The following EML1 variants were observed in gnomAD, a reference collection of about 807,000 sequenced individuals.
EML1 encodes the protein EMAP like 1, also known as echinoderm microtubule-associated protein-like 1.
A neutral mutation model predicts 110.4 loss-of-function variants in EML1; 27 were observed. That is an observed-to-expected ratio of 0.24 (90% CI 0.18 to 0.34). The LOEUF is 0.34. Ranked by LOEUF, EML1 falls within the 10% of genes least tolerant of loss-of-function variation. The pLI is 1.00. For missense variants in EML1, 741 were observed against 1,030.9 expected (o/e 0.72, Z 3.85); for synonymous variants, 344 against 385.8 (o/e 0.89, Z 1.27).
intron 1 of EML1, among the ~76,000 whole-genome samples, chr14:99,747,331 C>T (rs1343626371): frequency 2.0e-5 from 3 of 152,132 alleles, no homozygotes; most frequent in Admixed American, 2.0e-4. Flanking sequence ...AAGGGACCAG[C>T]CTCTGGCCCA....
chr14:99,868,052 T>TGA (rs2059132050), intron 3 of EML1, among the ~76,000 whole-genome samples: 4 of 152,208 alleles, frequency 2.6e-5, no homozygotes, highest in Non-Finnish European at 5.9e-5. Flanking sequence ...TGTCAAATGC[T>TGA]TTTTCTGCAT....
chr14:99,890,394 G>A (rs1441811154), intron 4 of EML1, among the ~76,000 whole-genome samples: 1 of 152,216 alleles, frequency 6.6e-6, no homozygotes, highest in Non-Finnish European at 1.5e-5. Context: ...TGGAGACGGT[G>A]CCATCTCCCC....
rs926423357 is a variant in EML1, at chr14:99,827,890, A to G, written c.68-22963A>G. ...GGCATGGGTCCCGTGAGCACCCAGC[A>G]GGGTGTCTGGGTGCAGTAGATGCGA... On this transcript the variant is annotated intron_variant, in intron 1 of 21. Coordinates refer to ENST00000262233, the MANE Select transcript of EML1 (RefSeq NM_004434.3). This position sits in a 1 kb window ranked among gnomAD's most constrained non-coding sequence, Gnocchi z 4.4. Among the ~76,000 whole-genome samples the G allele has an allele frequency of 5.9e-5, 9 of 152,188 alleles. No homozygotes were observed. Among genetic ancestry groups the G allele is most frequent in the African/African-American group, 2.2e-4 (9 of 41,448 alleles).
chr14:99,930,991 C>A (rs1333291210), intron 17 of EML1, among the ~76,000 whole-genome samples: 1 of 152,166 alleles, frequency 6.6e-6, no homozygotes, highest in Non-Finnish European at 1.5e-5. Context: ...TAGAATGAAT[C>A]AGAATCTGGC....
intron 1 of EML1, among the ~76,000 whole-genome samples, chr14:99,778,392 T>A (rs776891857): frequency 3.3e-5 from 5 of 152,176 alleles, no homozygotes; most frequent in Non-Finnish European, 5.9e-5. Context: ...CACTAAGTCA[T>A]CCCCAACTAT....
At chr14:99,760,839 T>C (rs1002632512) in intron 1 of EML1, among the ~76,000 whole-genome samples, 3 of 152,052 alleles carry the variant, frequency 2.0e-5, no homozygotes, top group Admixed American at 6.6e-5. Flanking sequence ...ATTCAACCAG[T>C]ACACGCAAAG....
At chr14:99,756,001 T>G (rs1326183058) in intron 1 of EML1, among the ~76,000 whole-genome samples, 1 of 152,272 alleles carries the variant, frequency 6.6e-6, no homozygotes, top group Non-Finnish European at 1.5e-5. Context: ...GTAGCTCCCA[T>G]GGCCACACGT....
intron 4 of EML1, 42 bp downstream of exon 4, chr14:99,878,661 T>G: frequency 6.3e-7 from 1 of 1,582,304 alleles, no homozygotes; most frequent in Non-Finnish European, 8.6e-7. Context: ...TTCAGATATG[T>G]TAGTACGGCT....
At chr14:99,763,492 C>T (rs1162865147) in intron 1 of EML1, among the ~76,000 whole-genome samples, 1 of 152,126 alleles carries the variant, frequency 6.6e-6, no homozygotes, top group African/African-American at 2.4e-5. Context: ...GCACTACTCC[C>T]GGTGATAAGG....
intron 1 of EML1, among the ~76,000 whole-genome samples, chr14:99,745,159 G>A (rs751475624): frequency 5.3e-5 from 8 of 152,008 alleles, no homozygotes; most frequent in African/African-American, 1.2e-4. Context: ...TCTGCCTCCC[G>A]GGTTTAAGCG....
rs1477723502 is a variant in EML1 at position 99,936,950 on chromosome 14, C to G, written c.2095+616C>G. Among the ~76,000 whole-genome samples, 1 of 152,214 alleles carries G rather than the reference C, an allele frequency of 6.6e-6. No individual in the cohort carries two copies. The highest frequency in any genetic ancestry group is 1.5e-5 in the Non-Finnish European group (1 of 68,018). On this transcript the variant is annotated intron_variant, in intron 19 of 21. Coordinates refer to ENST00000262233, the MANE Select transcript of EML1 (RefSeq NM_004434.3). This position sits in a 1 kb window ranked among gnomAD's most constrained non-coding sequence, Gnocchi z 5.5. ...GGCCACGCAGGGCGGCGCGTGGGCA[C>G]AAGGAAGGCCTCGCTGCTCCCCTGC...
chr14:99,828,094 A>T (rs973206603), intron 1 of EML1, among the ~76,000 whole-genome samples: 2 of 152,164 alleles, frequency 1.3e-5, no homozygotes, highest in African/African-American at 4.8e-5. Flanking sequence ...TTACCCAACA[A>T]TATTTCATTT....
At chr14:99,923,811 T>G (rs2060182082) in intron 17 of EML1, among the ~76,000 whole-genome samples, 2 of 152,230 alleles carry the variant, frequency 1.3e-5, no homozygotes. Flanking sequence ...CTTTTTTTAT[T>G]ATTTTGTTTT....
In EML1 at chr14:99,827,973, G is replaced by A. The variant is rs2058388660; in HGVS notation, c.68-22880G>A. ...AGGATTCTTGCCTGTGAATGAAATG[G>A]AGGGAATTGAAGATTTCGGTGTGCT... is the stretch of plus-strand genomic sequence containing the variant. On this transcript the variant is annotated intron_variant, in intron 1 of 21. Transcript: ENST00000262233. This position sits in a 1 kb window ranked among gnomAD's most constrained non-coding sequence, Gnocchi z 4.4. Among the ~76,000 whole-genome samples, 1 of 152,190 alleles carries A rather than the reference G, an allele frequency of 6.6e-6. No homozygotes were observed. The highest frequency in any genetic ancestry group is 2.1e-4 in the South Asian group (1 of 4,822).
intron 3 of EML1, among the ~76,000 whole-genome samples, chr14:99,872,269 T>A (rs1246659897): frequency 1.3e-5 from 2 of 152,128 alleles, no homozygotes; most frequent in East Asian, 3.9e-4. Context: ...AGGTGGCAAT[T>A]ACTCTCAGCA....
intron 14 of EML1, 86 bp from the exon 15 acceptor site, chr14:99,914,480 T>C (rs546070166): frequency 2.3e-5 from 35 of 1,534,860 alleles, no homozygotes; most frequent in African/African-American, 5.5e-5. Context: ...GAAGTCAGCA[T>C]GAAGCCTCGG....
At chr14:99,914,756 T>C in intron 15 of EML1, 59 bp downstream of exon 15, 1 of 1,537,056 alleles carries the variant, frequency 6.5e-7, no homozygotes, top group Non-Finnish European at 8.7e-7. Flanking sequence ...AACATGTTTA[T>C]TTATTTTTTG....
chr14:99,838,096 C>T (rs1318666713), intron 1 of EML1, among the ~76,000 whole-genome samples: 4 of 152,264 alleles, frequency 2.6e-5, no homozygotes, highest in South Asian at 2.1e-4. Context: ...CCACCATGCC[C>T]GGCTACACTG....
chr14:99,895,598 T>G (rs1399011901), intron 6 of EML1, among the ~76,000 whole-genome samples: 1 of 152,056 alleles, frequency 6.6e-6, no homozygotes, highest in Non-Finnish European at 1.5e-5. Context: ...GGACTAGCAT[T>G]CTCCCCTTAA....
Sources: gnomAD v4.1 joint callset for allele counts (sites outside exome capture counted in the v4.1 genomes callset) on GRCh38, gnomAD v4.1.1 for gene constraint, Gnocchi (gnomAD v3.1) non-coding constraint, MANE v1.5 for transcripts, NCBI Gene and HGNC (gene_info 2026-07-23, HGNC 2026-07-21) for gene names.